Variants in NTRK3 observed in about 807,000 individuals in gnomAD.
NTRK3 encodes NT-3 growth factor receptor.
NTRK3 carries 24 observed loss-of-function variants against 91.7 expected under a neutral mutation model. That is an observed-to-expected ratio of 0.26 (90% CI 0.19 to 0.37). The LOEUF (loss-of-function observed/expected upper bound fraction) is 0.37. Ranked by LOEUF, NTRK3 falls within the 10% of genes least tolerant of loss-of-function variation. The pLI, the probability that NTRK3 is intolerant of heterozygous loss-of-function variation, is 1.00. For missense variants in NTRK3, 880 were observed against 1,068.9 expected (o/e 0.82, Z 2.46); for synonymous variants, 483 against 404.0 (o/e 1.20, Z -2.34).
chr15:87,993,453 T>C (rs1011302466), intron 14 of NTRK3, among the ~76,000 whole-genome samples: 4 of 152,150 alleles, frequency 2.6e-5, no homozygotes, highest in Non-Finnish European at 4.4e-5. Flanking sequence ...CTGAAGGTGA[T>C]GAAGGGGAAA....
At chr15:87,911,341 C>A (rs1193493091) in intron 17 of NTRK3, among the ~76,000 whole-genome samples, 4 of 152,184 alleles carry the variant, frequency 2.6e-5, no homozygotes, top group African/African-American at 9.7e-5. Flanking sequence ...CTTATCTAAG[C>A]AATCTCTGTT....
rs148709817 is a variant in NTRK3, at chr15:88,123,439, CT to C, written c.1396+2831del. Among the ~76,000 whole-genome samples, 305 of 152,330 alleles carry C rather than the reference CT, an allele frequency of 2.0e-3. 1 individual carries two copies. The highest frequency in any genetic ancestry group is 3.7e-3 in the Non-Finnish European group (252 of 68,034). ...CGGTGTCATCACTCTTTATCCAAGACTGTGATGCTCGCTGGCAATAAAAGAT... is the reference window on the plus strand; with the variant it reads ...CGGTGTCATCACTCTTTATCCAAGACGTGATGCTCGCTGGCAATAAAAGAT... On this transcript the variant is annotated intron_variant, in intron 13 of 18. Coordinates refer to ENST00000394480, the Ensembl canonical transcript of NTRK3.
intron 13 of NTRK3, among the ~76,000 whole-genome samples, chr15:88,113,419 G>A (rs2051666205): frequency 6.7e-6 from 1 of 149,380 alleles, no homozygotes; most frequent in African/African-American, 2.5e-5. Flanking sequence ...GGGTTCAAGT[G>A]ATTCTCCTGC....
At chr15:88,012,339 A>G (rs2076938640) in intron 14 of NTRK3, among the ~76,000 whole-genome samples, 1 of 152,162 alleles carries the variant, frequency 6.6e-6, no homozygotes, top group South Asian at 2.1e-4. Flanking sequence ...CTTCCTTATT[A>G]TTCACAAATA....
chr15:87,895,217 C>G (rs1019302980), intron 17 of NTRK3, among the ~76,000 whole-genome samples: 10 of 152,158 alleles, frequency 6.6e-5, no homozygotes, highest in Non-Finnish European at 1.3e-4. Context: ...GTAAATGAAA[C>G]AGAACTGAAG....
At chr15:87,989,217 G>A (rs1034370184) in intron 14 of NTRK3, among the ~76,000 whole-genome samples, 7 of 152,110 alleles carry the variant, frequency 4.6e-5, no homozygotes, top group Non-Finnish European at 1.0e-4. Flanking sequence ...TGTTTATTGT[G>A]TTACTATTCA....
chr15:88,252,703 C>G (rs1444092127), intron 3 of NTRK3: 1 of 152,252 alleles, frequency 6.6e-6, no homozygotes, highest in African/African-American at 2.4e-5. Flanking sequence ...CGCATGGACC[C>G]TTCCAGGCTC....
chr15:88,089,794 G>A (rs142461303), intron 13 of NTRK3, among the ~76,000 whole-genome samples: 2,220 of 152,282 alleles, frequency 0.015, 47 homozygotes, highest in Middle Eastern at 0.048. Context: ...AGCAGCCAGA[G>A]TGGCCCCTTC....
chr15:88,086,512 A>AT (rs1370886767), intron 13 of NTRK3, among the ~76,000 whole-genome samples: 5 of 148,630 alleles, frequency 3.4e-5, no homozygotes, highest in Admixed American at 6.6e-5. Context: ...TGTTTATTTT[A>AT]TTTTTTAAAA....
At position 88,255,844 on chromosome 15, in the gene NTRK3, G is replaced by T. The variant is rs143090890; in HGVS notation, c.248+62C>A. On this transcript the variant is annotated intron_variant, in intron 3 of 18. Transcript: ENST00000394480. The surrounding 1 kb of genome is among the most constrained non-coding windows in gnomAD (Gnocchi z 4.3). ...GCGGAGGGCCGGCTCCCGGCCGCGG[G>T]TGGGCAGGAGGGAGACGCAGAGCGC... 1 of 1,437,430 alleles carries T rather than the reference G, an allele frequency of 7.0e-7. No individual in the cohort carries two copies. The highest frequency in any genetic ancestry group is 9.3e-7 in the Non-Finnish European group (1 of 1,079,064). 89.0% of individuals were successfully genotyped at this position (1,437,430 alleles called of 1,614,324 possible).
Position 88,137,847 on chromosome 15 carries a change from T to C in NTRK3, c.465-286A>G, listed in dbSNP as rs140919025. Among the ~76,000 whole-genome samples, 341 of 152,182 alleles carry C rather than the reference T, an allele frequency of 2.2e-3. 3 individuals carry two copies. Among genetic ancestry groups the C allele is most frequent in the African/African-American group, 7.6e-3 (317 of 41,510 alleles). On this transcript the variant is annotated intron_variant, in intron 6 of 18. Transcript: ENST00000394480. ...ACAGGTAGATCATGAGGTCAAGAGA[T>C]TGAGACCATCCTGACCAACATGGTG... is the stretch of plus-strand genomic sequence containing the variant.
intron 13 of NTRK3, among the ~76,000 whole-genome samples, chr15:88,108,804 G>A (rs1352946386): frequency 6.6e-6 from 1 of 152,158 alleles, no homozygotes; most frequent in Non-Finnish European, 1.5e-5. Context: ...CCTCATATAA[G>A]GAGCTTGGCA....
intron 13 of NTRK3, among the ~76,000 whole-genome samples, chr15:88,120,618 C>T (rs1279017616): frequency 6.6e-6 from 1 of 152,208 alleles, no homozygotes; most frequent in East Asian, 1.9e-4. Flanking sequence ...GGAGCCTACT[C>T]CTCCATCAGC....
chr15:88,062,343 C>T (rs1367904503), intron 13 of NTRK3, among the ~76,000 whole-genome samples: 1 of 152,226 alleles, frequency 6.6e-6, no homozygotes, highest in Non-Finnish European at 1.5e-5. Context: ...GCAGGTGCCT[C>T]CTACCCCTTT....
At chr15:88,109,199 C>T (rs2051051084) in intron 13 of NTRK3, among the ~76,000 whole-genome samples, 1 of 152,152 alleles carries the variant, frequency 6.6e-6, no homozygotes, top group African/African-American at 2.4e-5. Flanking sequence ...CCCGGTGAGC[C>T]GCAAGCAGGC....
chr15:87,904,268 A>C (rs1451443811), intron 17 of NTRK3, among the ~76,000 whole-genome samples: 1 of 151,266 alleles, frequency 6.6e-6, no homozygotes. Context: ...CTCCTGCCTC[A>C]GCCTCCCAAG....
intron 3 of NTRK3, among the ~76,000 whole-genome samples, chr15:88,248,580 A>T (rs2053064287): frequency 6.6e-6 from 1 of 152,158 alleles, no homozygotes; most frequent in South Asian, 2.1e-4. Context: ...GCATAAGAGT[A>T]TTGCAAAAGA....
intron 3 of NTRK3, among the ~76,000 whole-genome samples, chr15:88,244,299 T>C (rs2052631899): frequency 6.6e-6 from 1 of 152,170 alleles, no homozygotes; most frequent in Non-Finnish European, 1.5e-5. Context: ...TGTATTTTAA[T>C]CCTCACAACA....
At position 87,890,730 on chromosome 15, in the gene NTRK3, G is replaced by C. The variant is rs2065813882; in HGVS notation, c.2134-10302C>G. On this transcript the variant is annotated intron_variant, in intron 17 of 18. Coordinates refer to ENST00000394480, the Ensembl canonical transcript of NTRK3. ...ATAACGCCAATAAATAGTCTTCATAGCATCCTTGCTTTCTGACATAAAATA... is the reference window on the plus strand; with the variant it reads ...ATAACGCCAATAAATAGTCTTCATACCATCCTTGCTTTCTGACATAAAATA... Among the ~76,000 whole-genome samples the C allele has an allele frequency of 2.6e-5, 4 of 152,042 alleles. No individual in the cohort carries two copies. The South Asian group carries it at 8.3e-4, about 31-fold the overall frequency.
Sources: gnomAD v4.1 joint callset for allele counts (sites outside exome capture counted in the v4.1 genomes callset) on GRCh38, gnomAD v4.1.1 for gene constraint, Gnocchi (gnomAD v3.1) non-coding constraint, MANE v1.5 for transcripts, NCBI Gene and HGNC (gene_info 2026-07-23, HGNC 2026-07-21) for gene names.